MACROD2: variants seen among roughly 807,000 people sequenced by gnomAD.
MACROD2 encodes mono-ADP ribosylhydrolase 2, also known as ADP-ribose glycohydrolase MACROD2.
In MACROD2, 36 loss-of-function variants were observed where a neutral mutation model predicts 70.4. The ratio of observed to expected loss-of-function variants is 0.51; its 90% CI spans 0.39 to 0.68. MACROD2 has a LOEUF of 0.68. MACROD2 is among the 30% of genes least tolerant of loss of function. MACROD2 has a pLI of 0.00. For synonymous variants in MACROD2, 172 were observed against 178.8 expected (o/e 0.96, Z 0.30); for missense variants, 496 against 538.4 (o/e 0.92, Z 0.78).
At chr20:14,114,644 TGAGAAAC>T (rs997813582) in intron 3 of MACROD2, among the ~76,000 whole-genome samples, 12 of 152,130 alleles carry the variant, frequency 7.9e-5, no homozygotes, top group Non-Finnish European at 1.5e-4. Context: ...GAAGGAATTT[TGAGAAAC>T]GAGGAACGGG....
At chr20:14,592,338 G>A (rs1568687783) in intron 4 of MACROD2, among the ~76,000 whole-genome samples, 1 of 152,154 alleles carries the variant, frequency 6.6e-6, no homozygotes, top group East Asian at 1.9e-4. Context: ...TTAAGTTTTA[G>A]GAACTTTTGG....
chr20:14,987,067 G>C (rs2074856055), intron 5 of MACROD2, among the ~76,000 whole-genome samples: 1 of 152,116 alleles, frequency 6.6e-6, no homozygotes, highest in Admixed American at 6.5e-5. Context: ...ATTTTCCAAA[G>C]AGCTTTGGAA....
intron 3 of MACROD2, among the ~76,000 whole-genome samples, chr20:14,475,313 C>T (rs2084579082): frequency 7.3e-6 from 1 of 137,328 alleles, no homozygotes; most frequent in Admixed American, 7.5e-5. Context: ...TTTTATGTTG[C>T]CTATACCATA....
intron 5 of MACROD2, among the ~76,000 whole-genome samples, chr20:15,176,123 T>G (rs2076459739): frequency 6.6e-6 from 1 of 152,232 alleles, no homozygotes; most frequent in Admixed American, 6.5e-5. Context: ...GCCAGCCCCC[T>G]GCTGCCTTGG....
At chr20:15,063,047 C>G (rs1328755456) in intron 5 of MACROD2, among the ~76,000 whole-genome samples, 1 of 152,182 alleles carries the variant, frequency 6.6e-6, no homozygotes, top group African/African-American at 2.4e-5. Context: ...TACTTCATTT[C>G]CAAAGGGATT....
intron 5 of MACROD2, among the ~76,000 whole-genome samples, chr20:15,107,984 T>A (rs1388397883): frequency 2.4e-5 from 1 of 41,366 alleles, no homozygotes; most frequent in East Asian, 2.7e-4. Context: ...GAGCAAGCTC[T>A]TTTTTTTTTT....
intron 5 of MACROD2, among the ~76,000 whole-genome samples, chr20:14,788,930 G>A (rs549238204): frequency 2.0e-5 from 3 of 151,654 alleles, no homozygotes; most frequent in South Asian, 2.1e-4. Flanking sequence ...CACGATGCCC[G>A]GCTAATTTTT....
chr20:14,996,629 C>T (rs950120325), intron 5 of MACROD2, among the ~76,000 whole-genome samples: 1 of 152,172 alleles, frequency 6.6e-6, no homozygotes, highest in African/African-American at 2.4e-5. Flanking sequence ...GCCAACACCA[C>T]CCCTTCCTCA....
intron 2 of MACROD2, among the ~76,000 whole-genome samples, chr20:14,039,668 T>A (rs1303914014): frequency 6.6e-6 from 1 of 152,130 alleles, no homozygotes; most frequent in South Asian, 2.1e-4. Flanking sequence ...AACATCCTGG[T>A]AAAAACATTA....
intron 5 of MACROD2, among the ~76,000 whole-genome samples, chr20:15,063,474 T>A (rs114880054): frequency 6.6e-6 from 1 of 152,218 alleles, no homozygotes; most frequent in East Asian, 1.9e-4. Flanking sequence ...GAATTTAACA[T>A]GACTGGCTGG....
intron 8 of MACROD2, among the ~76,000 whole-genome samples, chr20:15,521,672 TCTC>T (rs1206509023): frequency 6.6e-6 from 1 of 152,190 alleles, no homozygotes; most frequent in Non-Finnish European, 1.5e-5. Flanking sequence ...GGTAGTCCAT[TCTC>T]CTCATTTCCT....
At chr20:15,336,643 T>C (rs965875105) in intron 6 of MACROD2, among the ~76,000 whole-genome samples, 7 of 149,058 alleles carry the variant, frequency 4.7e-5, no homozygotes, top group Non-Finnish European at 1.0e-4. Flanking sequence ...AGTCTTGCTC[T>C]TCAGAATTAA....
chr20:16,002,179 TCTTA>T (rs1286079200), intron 15 of MACROD2, among the ~76,000 whole-genome samples: 1 of 152,126 alleles, frequency 6.6e-6, no homozygotes, highest in African/African-American at 2.4e-5. Flanking sequence ...CCAGAAGATA[TCTTA>T]CTATTTTATC....
chr20:15,942,767 A>G (rs1470375365), intron 12 of MACROD2, among the ~76,000 whole-genome samples: 1 of 152,172 alleles, frequency 6.6e-6, no homozygotes, highest in African/African-American at 2.4e-5. Flanking sequence ...AACACTTCCA[A>G]TAGCTCATTT....
intron 11 of MACROD2, among the ~76,000 whole-genome samples, chr20:15,935,748 C>G (rs2065648561): frequency 6.6e-6 from 1 of 152,086 alleles, no homozygotes; most frequent in South Asian, 2.1e-4. Flanking sequence ...AAACCAACAA[C>G]CAATAAAAAC....
chr20:14,782,201 G>A (rs2072310690), intron 5 of MACROD2, among the ~76,000 whole-genome samples: 1 of 151,972 alleles, frequency 6.6e-6, no homozygotes, highest in African/African-American at 2.4e-5. Context: ...TGGGATTATA[G>A]GCATGAGCTA....
chr20:15,139,228 A>G (rs1601127286), intron 5 of MACROD2, among the ~76,000 whole-genome samples: 1 of 152,338 alleles, frequency 6.6e-6, no homozygotes, highest in Non-Finnish European at 1.5e-5. Flanking sequence ...TGAGGAAAAC[A>G]ATGAACATGT....
chr20:15,815,842 G>A (rs535815899), intron 8 of MACROD2, among the ~76,000 whole-genome samples: 1 of 152,120 alleles, frequency 6.6e-6, no homozygotes, highest in East Asian at 1.9e-4. Context: ...AGTTAACAGG[G>A]TTTGAGTTTT....
chr20:15,112,025 G>A (rs1667251918), intron 5 of MACROD2, among the ~76,000 whole-genome samples: 1 of 152,178 alleles, frequency 6.6e-6, no homozygotes, highest in Non-Finnish European at 1.5e-5. Context: ...CACAGGGCCA[G>A]GATTTGACCC....
Sources: gnomAD v4.1 joint callset for allele counts (sites outside exome capture counted in the v4.1 genomes callset) on GRCh38, gnomAD v4.1.1 for gene constraint, MANE v1.5 for transcripts, NCBI Gene and HGNC (gene_info 2026-07-23, HGNC 2026-07-21) for gene names.